PHYHIPL: variants seen among roughly 807,000 people sequenced by gnomAD.
The protein encoded by PHYHIPL is phytanoyl-CoA hydroxylase-interacting protein-like.
PHYHIPL carries 9 observed loss-of-function variants against 33.4 expected under a neutral mutation model. The ratio of observed to expected loss-of-function variants is 0.27; its 90% CI spans 0.16 to 0.47. The LOEUF is 0.47. PHYHIPL is among the 20% of genes least tolerant of loss of function. The pLI is 0.99. For missense variants in PHYHIPL, 365 were observed against 460.7 expected, an observed-to-expected ratio of 0.79 and a Z score of 1.90; for synonymous variants, 153 against 154.1, an observed-to-expected ratio of 0.99 and a Z score of 0.05.
chr10:59,201,744 TTAAAA>T (rs1839125117), intron 1 of PHYHIPL, among the ~76,000 whole-genome samples: 1 of 152,196 alleles, frequency 6.6e-6, no homozygotes, highest in African/African-American at 2.4e-5. Flanking sequence ...AAATTTGGAA[TTAAAA>T]TAAAATGCTT....
intron 1 of PHYHIPL, among the ~76,000 whole-genome samples, chr10:59,202,628 A>G (rs1839154479): frequency 6.6e-6 from 1 of 152,200 alleles, no homozygotes; most frequent in Admixed American, 6.5e-5. Context: ...ATTACATTTT[A>G]TAACCAGAAT....
Position 59,247,536 on chromosome 10 carries a change from C to A in PHYHIPL, c.*1945C>A. On this transcript the variant is annotated 3_prime_UTR_variant, in exon 5 of 5. Transcript: ENST00000373880. The stretch of plus-strand genomic sequence containing the variant: ...TGCTTCCATTTTCATTGTGTCAAAA[C>A]TACTTAGCAAGGATGGCAGAGGAAA... The A allele has an allele frequency of 1.3e-6, 2 of 1,581,282 alleles. No homozygotes were observed. Among genetic ancestry groups the A allele is most frequent in the Admixed American group, 1.7e-5 (1 of 57,946 alleles).
At chr10:59,212,045 T>G (rs1385648060) in intron 1 of PHYHIPL, among the ~76,000 whole-genome samples, 1 of 152,068 alleles carries the variant, frequency 6.6e-6, no homozygotes, top group African/African-American at 2.4e-5. Flanking sequence ...ATTAATGGAT[T>G]AATGGGTTAT....
chr10:59,185,757 T>C (rs1398390029), intron 1 of PHYHIPL, among the ~76,000 whole-genome samples: 1 of 152,238 alleles, frequency 6.6e-6, no homozygotes, highest in Non-Finnish European at 1.5e-5. Context: ...GCTGCGTAAA[T>C]GTCTTCTTTT....
intron 1 of PHYHIPL, among the ~76,000 whole-genome samples, chr10:59,218,320 C>T (rs1001707607): frequency 8.5e-5 from 13 of 152,096 alleles, no homozygotes; most frequent in African/African-American, 2.7e-4. Flanking sequence ...TCAATTCACT[C>T]GTCCTGTTGT....
chr10:59,238,689 T>C lies in PHYHIPL; in HGVS notation c.580T>C (p.Tyr194His), dbSNP rs1840301268. ...TTTTTATCGTAATCAGCACAAAGAATATTTTGACTATGTTCGGTAAGATTC... is the reference window on the plus strand; with the variant it reads ...TTTTTATCGTAATCAGCACAAAGAACATTTTGACTATGTTCGGTAAGATTC... Reference protein sequence around the residue: ...SVFYRNQHKEYFDYVREHHGN... With the variant: ...SVFYRNQHKEHFDYVREHHGN... The change falls in exon 4 of 5, where the codon TAT becomes CAT. Residue 194 changes from tyrosine (Y) to histidine (H), a missense_variant. Tyr to His is a moderately conservative substitution (Grantham distance 83, BLOSUM62 2). Coordinates refer to ENST00000373880, the MANE Select transcript of PHYHIPL (RefSeq NM_032439.4). 1.9e-6 allele frequency: 3 copies of C among 1,579,216 alleles called. No individual in the cohort carries two copies. The highest frequency in any genetic ancestry group is 1.3e-5 in the African/African-American group (1 of 74,098).
At chr10:59,243,816 C>T (rs1417380846) in intron 4 of PHYHIPL, among the ~76,000 whole-genome samples, 1 of 151,818 alleles carries the variant, frequency 6.6e-6, no homozygotes, top group East Asian at 1.9e-4. Context: ...GAGAATTTAA[C>T]AAAACTACCC....
At chr10:59,226,026 A>G (rs1039916859) in intron 1 of PHYHIPL, among the ~76,000 whole-genome samples, 4 of 152,142 alleles carry the variant, frequency 2.6e-5, no homozygotes, top group Non-Finnish European at 5.9e-5. Flanking sequence ...TAACAGTAAA[A>G]CTAAATTTTA....
intron 1 of PHYHIPL, among the ~76,000 whole-genome samples, chr10:59,212,258 A>G (rs1839475988): frequency 1.3e-5 from 2 of 152,204 alleles, no homozygotes; most frequent in South Asian, 2.1e-4. Flanking sequence ...CTCTTTCTGT[A>G]TAAGTTACCC....
Position 59,245,117 on chromosome 10 carries a change from T to G in PHYHIPL, c.657T>G (p.Ser219=). 8.1e-6 allele frequency: 13 copies of G among 1,614,084 alleles called. No individual in the cohort carries two copies. The highest frequency in any genetic ancestry group is 1.0e-5 in the Non-Finnish European group (12 of 1,180,000). The change falls in exon 5 of 5, where the codon TCT becomes TCG. Residue 219 remains serine (S), a synonymous_variant. Coordinates refer to ENST00000373880, the MANE Select transcript of PHYHIPL (RefSeq NM_032439.4). Reference sequence around the variant, plus strand: ...AGGATAACAGTGGTAGCCATGGCTCTCCTATCAGTGGAAAATTAGAAGGCA... The same window carrying G: ...AGGATAACAGTGGTAGCCATGGCTCGCCTATCAGTGGAAAATTAGAAGGCA... ...SVKDNSGSHG[S]PISGKLEGIF...
At chr10:59,234,276 T>G (rs1840162448) in intron 1 of PHYHIPL, 28 bp from the exon 2 acceptor site, 1 of 1,509,322 alleles carries the variant, frequency 6.6e-7, no homozygotes, top group Admixed American at 2.7e-5. Context: ...AATTGGAAAT[T>G]AACTTCCTGT....
chr10:59,236,246 T>G (rs1037863730), intron 2 of PHYHIPL, among the ~76,000 whole-genome samples: 1 of 151,682 alleles, frequency 6.6e-6, no homozygotes. Context: ...AGCAGAAAAA[T>G]TCTATTGTCA....
At chr10:59,177,349 C>T in intron 1 of PHYHIPL, 1 of 925,060 alleles carries the variant, frequency 1.1e-6, no homozygotes, top group Non-Finnish European at 1.6e-6. Context: ...CTAGCAACCC[C>T]CTTCCCCCAA....
chr10:59,210,076 A>G (rs1839400492), intron 1 of PHYHIPL, among the ~76,000 whole-genome samples: 1 of 152,192 alleles, frequency 6.6e-6, no homozygotes, highest in Admixed American at 6.5e-5. Context: ...AAAATTGACA[A>G]ATGGGATCTA....
chr10:59,194,913 G>A (rs1187607496), intron 1 of PHYHIPL, among the ~76,000 whole-genome samples: 3 of 152,140 alleles, frequency 2.0e-5, no homozygotes, highest in African/African-American at 4.8e-5. Flanking sequence ...TTACCTGTGA[G>A]TGTAGAAAGC....
At position 59,247,712 on chromosome 10, in the gene PHYHIPL, G is replaced by C. The variant is rs745985465; in HGVS notation, c.*2121G>C. 3 of 1,612,336 alleles carry C rather than the reference G, an allele frequency of 1.9e-6. No homozygotes were observed. Among genetic ancestry groups the C allele is most frequent in the South Asian group, 2.2e-5 (2 of 90,862 alleles). On this transcript the variant is annotated 3_prime_UTR_variant, in exon 5 of 5. Transcript: ENST00000373880. The stretch of plus-strand genomic sequence containing the variant: ...TATTCATAATACTCATCTGCCATTG[G>C]TATCCTATCTTCCTTTTGTGGACTT...
At position 59,246,578 on chromosome 10, in the gene PHYHIPL, C is replaced by A. The variant is rs544885161; in HGVS notation, c.*987C>A. 2 of 396,786 alleles carry A rather than the reference C, an allele frequency of 5.0e-6. No homozygotes were observed. Among genetic ancestry groups the A allele is most frequent in the Admixed American group, 8.8e-5 (2 of 22,678 alleles). 24.6% of individuals were successfully genotyped at this position (396,786 alleles called of 1,614,324 possible). A position where few individuals can be genotyped will look rare whatever the true frequency, so the allele number is the denominator to read the frequency against. ...AAAATGAAAATAATAAACATGTTTT[C>A]GTATAAAATAACACAAAATGATATA... is the stretch of plus-strand genomic sequence containing the variant. On this transcript the variant is annotated 3_prime_UTR_variant, in exon 5 of 5. Coordinates refer to ENST00000373880, the MANE Select transcript of PHYHIPL (RefSeq NM_032439.4).
At chr10:59,181,787 AG>A (rs1838418433) in intron 1 of PHYHIPL, among the ~76,000 whole-genome samples, 1 of 152,178 alleles carries the variant, frequency 6.6e-6, no homozygotes. Flanking sequence ...TATTCTTGGT[AG>A]GGTTCTAATT....
chr10:59,219,552 A>AATTT (rs1839706039), intron 1 of PHYHIPL, among the ~76,000 whole-genome samples: 1 of 152,134 alleles, frequency 6.6e-6, no homozygotes, highest in African/African-American at 2.4e-5. Context: ...ATAAAGTAAG[A>AATTT]ATTTATTTTT....
Sources: allele counts gnomAD v4.1 joint callset (sites outside exome capture counted in the v4.1 genomes callset), GRCh38; gene constraint gnomAD v4.1.1; transcripts MANE v1.5; gene names NCBI Gene and HGNC (gene_info 2026-07-23, HGNC 2026-07-21).